The following KLF8 variants were observed in gnomAD, a reference collection of about 807,000 sequenced individuals.
The protein encoded by KLF8 is Krueppel-like factor 8.
KLF8 carries 10 observed loss-of-function variants against 18.2 expected under a neutral mutation model. That is an observed-to-expected ratio of 0.55 (90% confidence interval 0.34 to 0.93). KLF8 has a LOEUF of 0.93. Ranked by LOEUF, KLF8 falls within the 40% of genes least tolerant of loss-of-function variation. KLF8 has a pLI of 0.02. For synonymous variants in KLF8, 109 were observed against 97.3 expected, an observed-to-expected ratio of 1.12 and a Z score of -0.71; for missense variants, 264 against 277.9, an observed-to-expected ratio of 0.95 and a Z score of 0.36.
the KLF8 span, among the ~76,000 whole-genome samples, chrX:56,023,756 G>T: frequency 9.0e-6 from 1 of 110,683 alleles, no homozygotes; most frequent in African/African-American, 3.3e-5. Context: ...TTGCTTTTAT[G>T]GAAGAAAATA....
the KLF8 span, among the ~76,000 whole-genome samples, chrX:56,190,065 G>A: frequency 1.8e-5 from 2 of 110,375 alleles, no homozygotes; most frequent in East Asian, 5.7e-4. Context: ...TCTGGACCTA[G>A]TGATTTGTTA....
the KLF8 span, among the ~76,000 whole-genome samples, chrX:56,058,279 CATAT>C: frequency 0.052 from 376 of 7,214 alleles, 10 homozygotes; most frequent in Middle Eastern, 0.17. Flanking sequence ...CATATATATA[CATAT>C]ATATATATAT....
the KLF8 span, among the ~76,000 whole-genome samples, chrX:56,000,864 T>C: frequency 1.2e-4 from 13 of 111,841 alleles, no homozygotes; most frequent in Non-Finnish European, 1.9e-4. Context: ...TTGTTTCCTT[T>C]GCATGTATGT....
the KLF8 span, among the ~76,000 whole-genome samples, chrX:55,984,695 C>T: frequency 5.4e-5 from 6 of 111,196 alleles, no homozygotes; most frequent in South Asian, 3.9e-4. Flanking sequence ...TTTGAGGAAT[C>T]GCCACACTCT....
chrX:55,923,761 C>CAT, the KLF8 span, among the ~76,000 whole-genome samples: 48 of 107,576 alleles, frequency 4.5e-4, no homozygotes, highest in South Asian at 0.017. Flanking sequence ...TGTATATACA[C>CAT]ATATATATTT....
chrX:56,134,049 T>C, the KLF8 span, among the ~76,000 whole-genome samples: 1 of 111,743 alleles, frequency 8.9e-6, no homozygotes, highest in Non-Finnish European at 1.9e-5. Context: ...CTCATGCTCA[T>C]GGATGGGTAG....
At chrX:56,174,618 G>A in the KLF8 span, among the ~76,000 whole-genome samples, 1 of 111,955 alleles carries the variant, frequency 8.9e-6, no homozygotes, top group African/African-American at 3.2e-5. Context: ...CATAAAATGA[G>A]TTAAGGAGGA....
the KLF8 span, among the ~76,000 whole-genome samples, chrX:55,997,887 G>A: frequency 9.1e-6 from 1 of 110,046 alleles, no homozygotes; most frequent in Non-Finnish European, 1.9e-5. Flanking sequence ...GGGACCTGGG[G>A]AACCAGCGTT....
At chrX:56,107,466 C>T in the KLF8 span, among the ~76,000 whole-genome samples, 4 of 111,500 alleles carry the variant, frequency 3.6e-5, no homozygotes, top group South Asian at 1.1e-3. Flanking sequence ...CCTTGCTGGT[C>T]GATCTCAGAG....
At chrX:56,085,777 G>A in the KLF8 span, among the ~76,000 whole-genome samples, 162 of 112,041 alleles carry the variant, frequency 1.4e-3, no homozygotes, top group African/African-American at 4.9e-3. Context: ...TTATTACTTG[G>A]AAAGTAAAAT....
the KLF8 span, among the ~76,000 whole-genome samples, chrX:56,050,335 T>C: frequency 8.9e-6 from 1 of 111,799 alleles, no homozygotes; most frequent in Non-Finnish European, 1.9e-5. Flanking sequence ...GCTCTTGCTT[T>C]TCTAGTTCTT....
the KLF8 span, chrX:55,961,467 C>T: frequency 3.7e-6 from 2 of 547,327 alleles, no homozygotes; most frequent in Non-Finnish European, 3.4e-6. Context: ...CCCAGATTGC[C>T]ACAAAAAATT....
the KLF8 span, among the ~76,000 whole-genome samples, chrX:56,040,886 C>CT: frequency 0.094 from 2,828 of 30,221 alleles, 472 homozygotes; most frequent in African/African-American, 0.36. Flanking sequence ...TGGTCTTGGG[C>CT]TTTTTTTTTT....
chrX:56,031,473 T>A, the KLF8 span, among the ~76,000 whole-genome samples: 1 of 112,118 alleles, frequency 8.9e-6, no homozygotes, highest in Non-Finnish European at 1.9e-5. Flanking sequence ...ATGTCTGGAC[T>A]CCAAGTGCCA....
intron 3 of KLF8, chrX:56,267,049 T>C: frequency 2.7e-6 from 2 of 754,028 alleles, no homozygotes; most frequent in Non-Finnish European, 1.6e-6. Flanking sequence ...GGAAATAAAA[T>C]TCCTCGTGTG....
At chrX:56,044,538 T>G in the KLF8 span, among the ~76,000 whole-genome samples, 2 of 112,156 alleles carry the variant, frequency 1.8e-5, no homozygotes, top group African/African-American at 6.5e-5. Flanking sequence ...TCCCACCCAG[T>G]GAGGAAAAAT....
At chrX:55,962,488 C>T in the KLF8 span, 29 of 204,733 alleles carry the variant, frequency 1.4e-4, no homozygotes, top group Non-Finnish European at 2.2e-4. Flanking sequence ...AGTAATATCA[C>T]TGGTGCAAGG....
chrX:56,210,486 G>A, the KLF8 span, among the ~76,000 whole-genome samples: 1 of 110,782 alleles, frequency 9.0e-6, no homozygotes, highest in Non-Finnish European at 1.9e-5. Flanking sequence ...CTTAACTTTT[G>A]GGAGTTTGAT....
At chrX:56,167,528 G>C in the KLF8 span, among the ~76,000 whole-genome samples, 1 of 112,080 alleles carries the variant, frequency 8.9e-6, no homozygotes, top group Non-Finnish European at 1.9e-5. Context: ...ACATATCACT[G>C]TTAAGCTTCA....
Sources: allele counts gnomAD v4.1 joint callset (sites outside exome capture counted in the v4.1 genomes callset), GRCh38; gene constraint gnomAD v4.1.1; transcripts MANE v1.5; gene names NCBI Gene and HGNC (gene_info 2026-07-23, HGNC 2026-07-21).